GXYLT2: variants seen among roughly 807,000 people sequenced by gnomAD.
GXYLT2 encodes glucoside xylosyltransferase 2.
GXYLT2 carries 53 observed loss-of-function variants against 45.8 expected under a neutral mutation model. The ratio of observed to expected loss-of-function variants is 1.16; its 90% CI spans 0.93 to 1.46. The LOEUF is 1.46. Ranked by LOEUF, GXYLT2 falls within the 40% of genes most tolerant of loss-of-function variation. The pLI is 0.00. For synonymous variants in GXYLT2, 219 were observed against 214.2 expected (o/e 1.02, Z -0.19); for missense variants, 551 against 544.4 (o/e 1.01, Z -0.12).
chr3:72,974,855 C>T, intron 6 of GXYLT2, 122 bp from the exon 7 acceptor site: 1 of 698,220 alleles, frequency 1.4e-6, no homozygotes, highest in Non-Finnish European at 2.4e-6. Context: ...AAGGTCTTTT[C>T]ACTTGTCCAA....
At chr3:72,935,461 A>C (rs1710158021) in intron 3 of GXYLT2, among the ~76,000 whole-genome samples, 1 of 152,186 alleles carries the variant, frequency 6.6e-6, no homozygotes, top group South Asian at 2.1e-4. Flanking sequence ...AATTCAAGAA[A>C]ATTTCCCAGA....
At chr3:72,894,437 A>G (rs1709244220) in intron 1 of GXYLT2, among the ~76,000 whole-genome samples, 1 of 152,210 alleles carries the variant, frequency 6.6e-6, no homozygotes, top group South Asian at 2.1e-4. Flanking sequence ...ACTTTATCAA[A>G]ACCTGCGGGT....
chr3:72,938,488 A>G (rs1250892420), intron 3 of GXYLT2, among the ~76,000 whole-genome samples: 1 of 152,230 alleles, frequency 6.6e-6, no homozygotes, highest in Non-Finnish European at 1.5e-5. Flanking sequence ...CTTGTGATCC[A>G]ATGATCCTGT....
At chr3:72,907,597 G>A (rs907338286) in intron 1 of GXYLT2, among the ~76,000 whole-genome samples, 1 of 152,062 alleles carries the variant, frequency 6.6e-6, no homozygotes, top group Non-Finnish European at 1.5e-5. Context: ...GGAAATAGCT[G>A]GATGATGATT....
At chr3:72,969,891 G>A (rs1183418128) in intron 6 of GXYLT2, among the ~76,000 whole-genome samples, 2 of 103,748 alleles carry the variant, frequency 1.9e-5, no homozygotes, top group African/African-American at 3.4e-5. Context: ...AATTTTTTGT[G>A]TATGAAAATG....
chr3:72,957,679 C>A (rs949242388), intron 5 of GXYLT2, among the ~76,000 whole-genome samples: 1 of 152,160 alleles, frequency 6.6e-6, no homozygotes, highest in African/African-American at 2.4e-5. Context: ...ATATTATAAT[C>A]TAGGCGGGAG....
intron 4 of GXYLT2, among the ~76,000 whole-genome samples, chr3:72,956,150 C>G (rs1435033071): frequency 1.3e-5 from 2 of 152,030 alleles, no homozygotes; most frequent in Non-Finnish European, 2.9e-5. Context: ...ACTTGGGAGG[C>G]TGAGATGGGA....
chr3:72,963,669 A>ATTTTTTTT (rs34028884), intron 5 of GXYLT2, among the ~76,000 whole-genome samples: 1 of 123,396 alleles, frequency 8.1e-6, no homozygotes. Context: ...TGCCTAGCTA[A>ATTTTTTTT]TTTTTTTTTT....
chr3:72,900,251 C>T (rs771608098), intron 1 of GXYLT2, among the ~76,000 whole-genome samples: 15 of 152,094 alleles, frequency 9.9e-5, no homozygotes, highest in African/African-American at 2.9e-4. Context: ...ATTAAGGAGA[C>T]GCTTGTCTCA....
At chr3:72,928,104 T>C (rs1709953392) in intron 3 of GXYLT2, among the ~76,000 whole-genome samples, 1 of 152,212 alleles carries the variant, frequency 6.6e-6, no homozygotes, top group South Asian at 2.1e-4. Context: ...AAATCCAAAT[T>C]CTAGCAGCTT....
chr3:72,970,058 A>C (rs1318111546), intron 6 of GXYLT2, among the ~76,000 whole-genome samples: 2 of 152,080 alleles, frequency 1.3e-5, no homozygotes, highest in Non-Finnish European at 2.9e-5. Flanking sequence ...ATCTCAAAAA[A>C]AAATAAAATC....
chr3:72,906,134 T>C (rs1409163751), intron 1 of GXYLT2, among the ~76,000 whole-genome samples: 1 of 152,208 alleles, frequency 6.6e-6, no homozygotes, highest in Non-Finnish European at 1.5e-5. Flanking sequence ...CTTTAACATC[T>C]CCACATCCCT....
chr3:72,969,582 C>G (rs1710945985), intron 6 of GXYLT2, among the ~76,000 whole-genome samples: 1 of 152,096 alleles, frequency 6.6e-6, no homozygotes, highest in Non-Finnish European at 1.5e-5. Flanking sequence ...AGTGATCTTT[C>G]CATCCCAGCC....
intron 2 of GXYLT2, among the ~76,000 whole-genome samples, chr3:72,912,017 T>C (rs533589012): frequency 8.7e-4 from 119 of 136,670 alleles, no homozygotes; most frequent in Middle Eastern, 3.8e-3. Context: ...ATATATATTT[T>C]TTTTTTTTTT....
intron 3 of GXYLT2, among the ~76,000 whole-genome samples, chr3:72,941,448 C>T (rs1192646986): frequency 6.6e-6 from 1 of 152,152 alleles, no homozygotes; most frequent in South Asian, 2.1e-4. Flanking sequence ...CCATTCCAGC[C>T]ACTCTAGTGT....
chr3:72,961,442 T>C (rs1710766427), intron 5 of GXYLT2, among the ~76,000 whole-genome samples: 1 of 152,044 alleles, frequency 6.6e-6, no homozygotes, highest in Non-Finnish European at 1.5e-5. Flanking sequence ...CCTTGGGAAG[T>C]TGCCAAGGAC....
intron 3 of GXYLT2, among the ~76,000 whole-genome samples, chr3:72,945,852 T>C (rs1185323549): frequency 6.6e-6 from 1 of 152,224 alleles, no homozygotes; most frequent in Non-Finnish European, 1.5e-5. Context: ...ATTTTCACAC[T>C]AATCACAGTT....
chr3:72,902,803 A>C (rs1709432775), intron 1 of GXYLT2, among the ~76,000 whole-genome samples: 1 of 152,184 alleles, frequency 6.6e-6, no homozygotes, highest in Non-Finnish European at 1.5e-5. Flanking sequence ...TCACGAGGTC[A>C]GGAGTTTGAG....
chr3:72,938,150 A>G (rs1038232689), intron 3 of GXYLT2, among the ~76,000 whole-genome samples: 10 of 152,206 alleles, frequency 6.6e-5, no homozygotes, highest in African/African-American at 2.2e-4. Context: ...TTCTGCACCT[A>G]CAGAAATATT....
Sources: gnomAD v4.1 joint callset for allele counts (sites outside exome capture counted in the v4.1 genomes callset) on GRCh38, gnomAD v4.1.1 for gene constraint, MANE v1.5 for transcripts, NCBI Gene and HGNC (gene_info 2026-07-23, HGNC 2026-07-21) for gene names.